LRRC20: variants seen among roughly 807,000 people sequenced by gnomAD.
LRRC20 encodes leucine-rich repeat-containing protein 20.
LRRC20 carries 11 observed loss-of-function variants against 14.4 expected under a neutral mutation model. That is an observed-to-expected ratio of 0.77 (90% CI 0.48 to 1.27). The LOEUF is 1.27. LRRC20 is among the 50% of genes most tolerant of loss of function. LRRC20 has a pLI of 0.00. For synonymous variants in LRRC20, 121 were observed against 107.3 expected (o/e 1.13, Z -0.79); for missense variants, 219 against 251.2 (o/e 0.87, Z 0.87).
intron 2 of LRRC20, among the ~76,000 whole-genome samples, chr10:70,355,515 G>A (rs1017610284): frequency 6.6e-6 from 1 of 152,152 alleles, no homozygotes. Flanking sequence ...GAGGGTTGTC[G>A]GGAAGAGAAG....
At chr10:70,339,266 C>T (rs1166100501) in intron 3 of LRRC20, among the ~76,000 whole-genome samples, 2 of 152,222 alleles carry the variant, frequency 1.3e-5, no homozygotes, top group Admixed American at 1.3e-4. Context: ...CTCAAGGGCA[C>T]TGCTATGAAT....
intron 2 of LRRC20, among the ~76,000 whole-genome samples, chr10:70,342,875 C>A (rs1022814231): frequency 6.6e-6 from 1 of 152,124 alleles, no homozygotes; most frequent in African/African-American, 2.4e-5. Context: ...CAGCACCACC[C>A]CATTTATCTC....
intron 2 of LRRC20, among the ~76,000 whole-genome samples, chr10:70,350,078 C>T (rs1288067285): frequency 6.6e-6 from 1 of 152,236 alleles, no homozygotes; most frequent in Non-Finnish European, 1.5e-5. Flanking sequence ...CTCGCCCATG[C>T]TGCATGAATG....
chr10:70,325,466 G>T (rs908535485), intron 3 of LRRC20, among the ~76,000 whole-genome samples: 2 of 152,192 alleles, frequency 1.3e-5, no homozygotes, highest in African/African-American at 2.4e-5. Context: ...GTGTCTCAGG[G>T]TGGAGCACGC....
chr10:70,300,502 C>T lies in LRRC20; in HGVS notation c.*852G>A. 2.0e-6 allele frequency: 2 copies of T among 985,568 alleles called. No individual in the cohort carries two copies. The highest frequency in any genetic ancestry group is 2.4e-6 in the Non-Finnish European group (2 of 830,038). The allele number at this position is 985,568 out of a possible 1,614,324, so 61.1% of individuals were successfully genotyped here. On this transcript the variant is annotated 3_prime_UTR_variant, in exon 5 of 5. Transcript: ENST00000446961. ...ACAAGGCAGCCAGGCTGCTGCTGGA[C>T]TGGACAGTGGTGAGGGTGGCCATCT...
At chr10:70,330,637 A>G (rs995618399) in intron 3 of LRRC20, among the ~76,000 whole-genome samples, 3 of 152,210 alleles carry the variant, frequency 2.0e-5, no homozygotes, top group Non-Finnish European at 4.4e-5. Context: ...GGAAGGAAGC[A>G]TTCCACAGAA....
intron 3 of LRRC20, among the ~76,000 whole-genome samples, chr10:70,330,113 A>G (rs773798629): frequency 6.6e-6 from 1 of 152,226 alleles, no homozygotes; most frequent in Non-Finnish European, 1.5e-5. Context: ...AGTAATATCA[A>G]CTTCATAGCA....
intron 4 of LRRC20, among the ~76,000 whole-genome samples, chr10:70,314,814 C>G (rs898201399): frequency 1.3e-5 from 2 of 152,148 alleles, no homozygotes; most frequent in African/African-American, 4.8e-5. Context: ...GACTGCCTAC[C>G]TGGCCTAGGG....
chr10:70,310,273 G>A (rs1841602284), intron 4 of LRRC20, among the ~76,000 whole-genome samples: 1 of 152,216 alleles, frequency 6.6e-6, no homozygotes, highest in Non-Finnish European at 1.5e-5. Flanking sequence ...AGGCTGCAGA[G>A]GAGAATATGA....
intron 2 of LRRC20, among the ~76,000 whole-genome samples, chr10:70,350,071 G>A (rs370955253): frequency 2.6e-5 from 4 of 152,206 alleles, no homozygotes; most frequent in Admixed American, 6.5e-5. Flanking sequence ...TCAGAGCCTC[G>A]CCCATGCTGC....
chr10:70,376,215 G>A (rs957040522), intron 2 of LRRC20, among the ~76,000 whole-genome samples: 1 of 152,228 alleles, frequency 6.6e-6, no homozygotes, highest in Non-Finnish European at 1.5e-5. Context: ...GTCATCAGCA[G>A]TCAAAGGACA....
chr10:70,350,972 A>T (rs577355898), intron 2 of LRRC20, among the ~76,000 whole-genome samples: 2 of 152,256 alleles, frequency 1.3e-5, no homozygotes, highest in East Asian at 3.9e-4. Context: ...TGCTTGAACC[A>T]AGGAGTTTGA....
chr10:70,350,469 T>C (rs995006384), intron 2 of LRRC20, among the ~76,000 whole-genome samples: 1 of 152,234 alleles, frequency 6.6e-6, no homozygotes, highest in African/African-American at 2.4e-5. Context: ...TTAATTCTAA[T>C]GAATGCTTGA....
intron 4 of LRRC20, among the ~76,000 whole-genome samples, chr10:70,308,339 G>C (rs1250650575): frequency 6.6e-6 from 1 of 152,186 alleles, no homozygotes; most frequent in Non-Finnish European, 1.5e-5. Flanking sequence ...TGGGTAGCAA[G>C]GCTGACACCG....
At chr10:70,381,900 T>C (rs1415969722) in intron 1 of LRRC20, 1 of 152,264 alleles carries the variant, frequency 6.6e-6, no homozygotes, top group Non-Finnish European at 1.5e-5. Context: ...CTAGGCATCC[T>C]CGGACTGAGC....
chr10:70,324,908 C>G (rs924143900), intron 3 of LRRC20, among the ~76,000 whole-genome samples: 4 of 152,150 alleles, frequency 2.6e-5, no homozygotes, highest in African/African-American at 9.7e-5. Context: ...GAAAGGACAT[C>G]GTCTCACCTG....
chr10:70,332,476 T>C (rs1842577461), intron 3 of LRRC20, among the ~76,000 whole-genome samples: 1 of 152,156 alleles, frequency 6.6e-6, no homozygotes, highest in Admixed American at 6.5e-5. Context: ...AGACCCTGTC[T>C]CTACAAACAA....
At chr10:70,367,108 T>C (rs1317244649) in intron 2 of LRRC20, among the ~76,000 whole-genome samples, 3 of 151,914 alleles carry the variant, frequency 2.0e-5, no homozygotes, top group East Asian at 1.9e-4. Context: ...GAGGAATGCT[T>C]GAGCCCAGGA....
intron 4 of LRRC20, among the ~76,000 whole-genome samples, chr10:70,317,075 T>A (rs962858212): frequency 3.9e-5 from 6 of 152,118 alleles, no homozygotes; most frequent in Non-Finnish European, 7.4e-5. Context: ...CAAATCAACA[T>A]CCCTCCAGAT....
Sources: gnomAD v4.1 joint callset for allele counts (sites outside exome capture counted in the v4.1 genomes callset) on GRCh38, gnomAD v4.1.1 for gene constraint, MANE v1.5 for transcripts, NCBI Gene and HGNC (gene_info 2026-07-23, HGNC 2026-07-21) for gene names.